The following HERC2 variants were observed in gnomAD, a reference collection of about 807,000 sequenced individuals.
HERC2 encodes HECT and RLD domain containing E3 ubiquitin protein ligase 2.
A neutral mutation model predicts 537.7 loss-of-function variants in HERC2; 102 were observed. The ratio of observed to expected loss-of-function variants is 0.19; its 90% CI spans 0.16 to 0.22. The LOEUF (loss-of-function observed/expected upper bound fraction) is 0.22. Ranked by LOEUF, HERC2 falls within the 10% of genes least tolerant of loss-of-function variation. The pLI is 1.00. For synonymous variants in HERC2, 2,224 were observed against 2,466.2 expected (o/e 0.90, Z 2.91); for missense variants, 4,236 against 6,198.2 (o/e 0.68, Z 10.63).
intron 2 of HERC2, among the ~76,000 whole-genome samples, chr15:28,316,763 T>A (rs147955000): frequency 6.6e-6 from 1 of 152,282 alleles, no homozygotes; most frequent in African/African-American, 2.4e-5. Flanking sequence ...ATGTTTATAC[T>A]TTTTTTATCT....
intron 44 of HERC2, among the ~76,000 whole-genome samples, chr15:28,209,565 G>A (rs183918710): frequency 0.023 from 3,436 of 152,120 alleles, 97 homozygotes; most frequent in African/African-American, 0.071. Context: ...GGATGGTCTC[G>A]ATCTCCTGAC....
intron 43 of HERC2, among the ~76,000 whole-genome samples, chr15:28,211,458 T>G (rs1031579738): frequency 2.6e-5 from 4 of 152,064 alleles, no homozygotes; most frequent in African/African-American, 9.7e-5. Context: ...TTCCCCAAGT[T>G]GCTGAAGTTT....
intron 69 of HERC2, among the ~76,000 whole-genome samples, chr15:28,162,426 GAAA>G (rs1555411463): frequency 6.6e-6 from 1 of 151,706 alleles, no homozygotes; most frequent in Non-Finnish European, 1.5e-5. Context: ...AGGCATAAAT[GAAA>G]AAAACTGACA....
chr15:28,264,140 C>A (rs1363170316), intron 14 of HERC2, among the ~76,000 whole-genome samples: 1 of 151,880 alleles, frequency 6.6e-6, no homozygotes, highest in Non-Finnish European at 1.5e-5. Flanking sequence ...CAAGTTCCCA[C>A]ACTCTATTTT....
chr15:28,216,147 A>C (rs201135544), intron 38 of HERC2, among the ~76,000 whole-genome samples: 3 of 151,974 alleles, frequency 2.0e-5, no homozygotes, highest in Admixed American at 1.3e-4. Context: ...AAGTATGTGT[A>C]GTAAAAGTAG....
At chr15:28,295,684 C>CA (rs2076450230) in intron 3 of HERC2, among the ~76,000 whole-genome samples, 1 of 152,132 alleles carries the variant, frequency 6.6e-6, no homozygotes, top group African/African-American at 2.4e-5. Flanking sequence ...AGGTGTGAGC[C>CA]ACCACGCCCG....
At chr15:28,295,689 C>T (rs1407864346) in intron 3 of HERC2, among the ~76,000 whole-genome samples, 7 of 152,124 alleles carry the variant, frequency 4.6e-5, no homozygotes, top group Non-Finnish European at 7.4e-5. Context: ...TGAGCCACCA[C>T]GCCCGGCCAC....
At chr15:28,227,546 G>A (rs1901336114) in intron 35 of HERC2, among the ~76,000 whole-genome samples, 2 of 151,852 alleles carry the variant, frequency 1.3e-5, no homozygotes, top group Admixed American at 6.6e-5. Context: ...CCCACTGGTG[G>A]TGGGAATGTA....
Position 28,246,828 on chromosome 15 carries a change from T to C in HERC2, c.3305A>G (p.Asp1102Gly). The change falls in exon 22 of 93, where the codon GAT becomes GGT. Residue 1102 changes from aspartate (D) to glycine (G), a missense_variant. Asp to Gly is a moderately conservative substitution (Grantham distance 94, BLOSUM62 -1). Transcript: ENST00000261609. Reference sequence around the variant, plus strand: ...AATGCTGGCGGCCACAGGCAGTATATCTCCAATGTGCGTGCACAGGAGGGC... The same window carrying C: ...AATGCTGGCGGCCACAGGCAGTATACCTCCAATGTGCGTGCACAGGAGGGC... The part of the protein sequence containing the change: ...YTALLCTHIG[D>G]ILPVAASIAS... 6.2e-7 allele frequency: 1 copy of C among 1,611,134 alleles called. No homozygotes were observed. The highest frequency in any genetic ancestry group is 1.7e-5 in the Admixed American group (1 of 59,492).
At chr15:28,296,173 C>CA (rs980123056) in intron 3 of HERC2, among the ~76,000 whole-genome samples, 1 of 151,930 alleles carries the variant, frequency 6.6e-6, no homozygotes, top group Admixed American at 6.6e-5. Flanking sequence ...GAACAAAGGA[C>CA]AAAAAAATTC....
chr15:28,275,219 T>A (rs1241239542), intron 5 of HERC2, among the ~76,000 whole-genome samples: 1 of 152,210 alleles, frequency 6.6e-6, no homozygotes, highest in Non-Finnish European at 1.5e-5. Flanking sequence ...ATCAAAGAAA[T>A]GTATAAGGAA....
intron 6 of HERC2, 134 bp from the exon 7 acceptor site, chr15:28,274,581 C>G: frequency 1.2e-6 from 1 of 865,474 alleles, no homozygotes; most frequent in Non-Finnish European, 1.7e-6. Flanking sequence ...TCTAGCGCAG[C>G]TGCTCCAGTC....
chr15:28,296,435 T>C (rs1259711062), intron 3 of HERC2, among the ~76,000 whole-genome samples: 1 of 152,086 alleles, frequency 6.6e-6, no homozygotes, highest in East Asian at 1.9e-4. Context: ...ATCATGCCGC[T>C]ACACTCCAGC....
At chr15:28,115,260 CTA>C in intron 89 of HERC2, 167 bp downstream of exon 89, 3 of 455,174 alleles carry the variant, frequency 6.6e-6, no homozygotes, top group Admixed American at 5.0e-5. Flanking sequence ...AATAGATGGT[CTA>C]TTTTTTTTTT....
chr15:28,154,215 T>A (rs1269759065), intron 69 of HERC2, among the ~76,000 whole-genome samples: 1 of 152,240 alleles, frequency 6.6e-6, no homozygotes, highest in Non-Finnish European at 1.5e-5. Context: ...CATTCTATAC[T>A]TTTTAGAAAT....
chr15:28,118,568 C>G (rs1888532699), intron 86 of HERC2: 1 of 152,142 alleles, frequency 6.6e-6, no homozygotes, highest in Non-Finnish European at 1.5e-5. Context: ...ATAAAATTCC[C>G]AACAAACAAA....
intron 52 of HERC2, 35 bp downstream of exon 52, chr15:28,196,180 T>C (rs1167967183): frequency 7.8e-7 from 1 of 1,283,290 alleles, no homozygotes; most frequent in East Asian, 2.3e-5. Flanking sequence ...TCATTAATAT[T>C]TGGTGGAAGA....
chr15:28,171,919 A>G (rs1472737607), intron 65 of HERC2, among the ~76,000 whole-genome samples: 4 of 151,874 alleles, frequency 2.6e-5, no homozygotes, highest in African/African-American at 9.7e-5. Flanking sequence ...CTAAAAATAC[A>G]AAAAAATTAG....
chr15:28,163,662 A>C (rs1893842137), intron 68 of HERC2, among the ~76,000 whole-genome samples: 1 of 152,216 alleles, frequency 6.6e-6, no homozygotes, highest in Admixed American at 6.5e-5. Context: ...AATCGTTTAC[A>C]AACTAAATTT....
Sources: gnomAD v4.1 joint callset for allele counts (sites outside exome capture counted in the v4.1 genomes callset) on GRCh38, gnomAD v4.1.1 for gene constraint, MANE v1.5 for transcripts, NCBI Gene and HGNC (gene_info 2026-07-23, HGNC 2026-07-21) for gene names.